Variants in SUPT20H observed in about 807,000 individuals in gnomAD.
SUPT20H encodes the protein transcription factor SPT20 homolog.
Under a neutral mutation model 122.8 loss-of-function variants are expected in SUPT20H, and 82 were observed. The observed-to-expected ratio is 0.67, with a 90% CI of 0.56 to 0.80. The LOEUF (loss-of-function observed/expected upper bound fraction) is 0.80, where lower values mean the gene tolerates loss of function less well. Among genes scored for constraint, SUPT20H ranks in the 30% least tolerant of loss-of-function variants. The pLI is 0.00. For synonymous variants in SUPT20H, 291 were observed against 313.0 expected, an observed-to-expected ratio of 0.93 and a Z score of 0.74; for missense variants, 831 against 921.6, an observed-to-expected ratio of 0.90 and a Z score of 1.27.
At chr13:37,051,446 C>T (rs1262865661) in intron 2 of SUPT20H, 42 bp downstream of exon 2, 2 of 1,582,924 alleles carry the variant, frequency 1.3e-6, no homozygotes, top group Middle Eastern at 1.8e-4. Context: ...AGGAAGAGAA[C>T]ATTCTAAAAC....
chr13:37,018,791 G>A (rs1044861140), intron 22 of SUPT20H, among the ~76,000 whole-genome samples: 2 of 152,010 alleles, frequency 1.3e-5, no homozygotes, highest in African/African-American at 4.8e-5. Context: ...TGAGTAGCAG[G>A]GATTACAGGT....
chr13:37,009,779 T>TGC lies in SUPT20H; in HGVS notation c.2232_2233insGC (p.Met745AlafsTer26). The stretch of plus-strand genomic sequence containing the variant: ...GCTGTTTGTGCTGCTGCTGCTGCCA[T>TGC]AGCCATTTGATGCTGCAAGAATCGC... On this transcript the variant is annotated frameshift_variant, in exon 26 of 26. Transcript: ENST00000350612. LOFTEE classifies it high-confidence loss of function. The TGC allele has an allele frequency of 6.2e-7, 1 of 1,612,878 alleles. No homozygotes were observed. Among genetic ancestry groups the TGC allele is most frequent in the Non-Finnish European group, 8.5e-7 (1 of 1,179,702 alleles).
Position 37,021,460 on chromosome 13 carries a change from C to T in SUPT20H, c.1804G>A (p.Ala602Thr). The T allele has an allele frequency of 6.2e-7, 1 of 1,606,892 alleles. No homozygotes were observed. The highest frequency in any genetic ancestry group is 8.5e-7 in the Non-Finnish European group (1 of 1,176,468). The change falls in exon 21 of 26, where the codon GCT becomes ACT. Residue 602 changes from alanine to threonine, a missense_variant. Coordinates refer to ENST00000350612, the MANE Select transcript of SUPT20H (RefSeq NM_001014286.3). ...CCAACATTCTGACCTGCTTGAGAAG[C>T]TGCCTGCATTGCACTGGGCAGTGCA... ...PNALPSAMQA[A>T]SQAGVPFGLK...
intron 22 of SUPT20H, among the ~76,000 whole-genome samples, chr13:37,017,843 T>C (rs186409032): frequency 1.3e-5 from 2 of 152,186 alleles, no homozygotes; most frequent in East Asian, 1.9e-4. Context: ...GAAAAGAAAG[T>C]GCATTTAGAT....
At chr13:37,035,263 G>T (rs1165930098) in intron 9 of SUPT20H, among the ~76,000 whole-genome samples, 2 of 152,212 alleles carry the variant, frequency 1.3e-5, no homozygotes, top group African/African-American at 2.4e-5. Flanking sequence ...ATGTGCCATT[G>T]TAGATGACAC....
At chr13:37,035,484 T>G (rs1039026397) in intron 9 of SUPT20H, among the ~76,000 whole-genome samples, 1 of 151,548 alleles carries the variant, frequency 6.6e-6, no homozygotes, top group Non-Finnish European at 1.5e-5. Flanking sequence ...TGATCAAACT[T>G]GAATGGATGA....
chr13:37,043,063 C>T (rs1483900490), intron 7 of SUPT20H, among the ~76,000 whole-genome samples: 1 of 152,080 alleles, frequency 6.6e-6, no homozygotes, highest in Non-Finnish European at 1.5e-5. Context: ...ATTTGAGATG[C>T]TCAACCTGTA....
At position 37,022,217 on chromosome 13, in the gene SUPT20H, G is replaced by T; in HGVS notation, c.1592-137C>A. On this transcript the variant is annotated intron_variant, in intron 19 of 25. Transcript: ENST00000350612. This position sits in a 1 kb window ranked among gnomAD's most constrained non-coding sequence, Gnocchi z 4.5. ...TGAAGCCTGAATCTTGGGGAGTAGGGGTGGCTGAAGGGGTACTAGGAGTTG... is the reference window on the plus strand; with the variant it reads ...TGAAGCCTGAATCTTGGGGAGTAGGTGTGGCTGAAGGGGTACTAGGAGTTG... 6.3e-7 allele frequency: 1 copy of T among 1,579,996 alleles called. No homozygotes were observed.
At chr13:37,037,194 C>CAAAA (rs34269768) in intron 9 of SUPT20H, among the ~76,000 whole-genome samples, 10 of 130,574 alleles carry the variant, frequency 7.7e-5, no homozygotes, top group Non-Finnish European at 9.7e-5. Flanking sequence ...GACTCTGCCT[C>CAAAA]AAAAAAAAAA....
intron 13 of SUPT20H, among the ~76,000 whole-genome samples, chr13:37,029,106 G>T (rs1380728690): frequency 6.6e-6 from 1 of 151,926 alleles, no homozygotes; most frequent in Non-Finnish European, 1.5e-5. Flanking sequence ...CGTTATTATT[G>T]CAATTAGGAA....
chr13:37,032,588 A>G (rs2063563931), intron 10 of SUPT20H, among the ~76,000 whole-genome samples: 1 of 152,114 alleles, frequency 6.6e-6, no homozygotes, highest in South Asian at 2.1e-4. Flanking sequence ...CCTCAAGTAT[A>G]ACTGATGAAT....
intron 1 of SUPT20H, among the ~76,000 whole-genome samples, chr13:37,051,875 T>G (rs957353032): frequency 4.6e-5 from 7 of 152,198 alleles, no homozygotes; most frequent in African/African-American, 1.7e-4. Context: ...AAAATACATT[T>G]TTTAAAATCT....
Position 37,045,260 on chromosome 13 carries a change from T to G in SUPT20H, c.279A>C (p.Gly93=). 2 of 1,613,656 alleles carry G rather than the reference T, an allele frequency of 1.2e-6. No homozygotes were observed. Among genetic ancestry groups the G allele is most frequent in the Non-Finnish European group, 1.7e-6 (2 of 1,179,752 alleles). ...AGAGGGTCTTACCTGATCCGTTTTT[T>G]CCCCTGAGCATCAGAGAATATCCCT... ...GNEGYSLMLR[G]KNGSDSETIR... is the part of the protein sequence containing the mutation. The change falls in exon 6 of 26, where the codon GGA becomes GGC. Residue 93 remains glycine, a synonymous_variant. Transcript: ENST00000350612.
chr13:37,034,547 A>G (rs1007613550), intron 9 of SUPT20H, among the ~76,000 whole-genome samples: 1 of 152,238 alleles, frequency 6.6e-6, no homozygotes, highest in African/African-American at 2.4e-5. Flanking sequence ...AAACTGGTTC[A>G]TGAGGGTTAA....
intron 7 of SUPT20H, 125 bp downstream of exon 7, chr13:37,043,950 TATC>T (rs1438196520): frequency 3.5e-6 from 2 of 565,972 alleles, no homozygotes; most frequent in Non-Finnish European, 6.0e-6. Flanking sequence ...AGAAATTAAA[TATC>T]ATCTGTCATG....
At chr13:37,016,082 G>T (rs2060427838) in intron 23 of SUPT20H, among the ~76,000 whole-genome samples, 1 of 152,132 alleles carries the variant, frequency 6.6e-6, no homozygotes, top group South Asian at 2.1e-4. Flanking sequence ...GAAATCTGTT[G>T]CATAACAATG....
At chr13:37,018,879 G>C (rs960872113) in intron 22 of SUPT20H, among the ~76,000 whole-genome samples, 1 of 152,054 alleles carries the variant, frequency 6.6e-6, no homozygotes, top group African/African-American at 2.4e-5. Context: ...GAACTCCTGA[G>C]CTCAAGCAAT....
chr13:37,010,682 G>A (rs777116784), intron 24 of SUPT20H, 27 bp from the exon 25 acceptor site: 21 of 1,592,620 alleles, frequency 1.3e-5, no homozygotes, highest in Non-Finnish European at 1.8e-5. Flanking sequence ...GGGAAAGCAG[G>A]CCAGTCAAAA....
chr13:37,017,717 A>G (rs2060759327), intron 22 of SUPT20H, among the ~76,000 whole-genome samples: 2 of 152,226 alleles, frequency 1.3e-5, no homozygotes, highest in Non-Finnish European at 2.9e-5. Flanking sequence ...CAAGCAGCTT[A>G]TGAATCAGAA....
Sources: allele counts gnomAD v4.1 joint callset (sites outside exome capture counted in the v4.1 genomes callset), GRCh38; gene constraint gnomAD v4.1.1; non-coding constraint Gnocchi (gnomAD v3.1); transcripts MANE v1.5; gene names NCBI Gene and HGNC (gene_info 2026-07-23, HGNC 2026-07-21).